PPEF1: variants seen among roughly 807,000 people sequenced by gnomAD.
PPEF1 encodes protein phosphatase with EF-hand domain 1, also known as serine/threonine-protein phosphatase with EF-hands 1.
A neutral mutation model predicts 53.3 loss-of-function variants in PPEF1; 12 were observed. That is an observed-to-expected ratio of 0.23 (90% confidence interval 0.14 to 0.36). The LOEUF (loss-of-function observed/expected upper bound fraction) is 0.36. Among genes scored for constraint, PPEF1 ranks in the 10% least tolerant of loss-of-function variants. The pLI is 1.00. For synonymous variants in PPEF1, 165 were observed against 176.7 expected, an observed-to-expected ratio of 0.93 and a Z score of 0.52; for missense variants, 334 against 490.4, an observed-to-expected ratio of 0.68 and a Z score of 3.01.
chrX:18,782,462 TA>T, intron 8 of PPEF1, 60 bp downstream of exon 8: 1 of 944,822 alleles, frequency 1.1e-6, no homozygotes, highest in South Asian at 2.3e-5. Context: ...TAGAGAAATT[TA>T]AAAAGAGCCA....
intron 3 of PPEF1, among the ~76,000 whole-genome samples, chrX:18,742,894 C>G (rs772071135): frequency 1.8e-5 from 2 of 111,459 alleles, no homozygotes; most frequent in Admixed American, 9.6e-5. Context: ...TCTCACGCAG[C>G]CTTTCTGTCC....
chrX:18,727,333 C>T (rs766930857), intron 1 of PPEF1, among the ~76,000 whole-genome samples: 2 of 111,139 alleles, frequency 1.8e-5, no homozygotes, highest in Non-Finnish European at 3.8e-5. Context: ...ATCATGATAG[C>T]GACTGTCCCA....
At chrX:18,687,382 T>A (rs944110755) in intron 3 of PPEF1, among the ~76,000 whole-genome samples, 3 of 111,684 alleles carry the variant, frequency 2.7e-5, no homozygotes, top group Non-Finnish European at 5.6e-5. Context: ...TGATTGGTGC[T>A]ATCTGTAGCC....
chrX:18,754,709 C>T (rs2045512127), intron 4 of PPEF1, among the ~76,000 whole-genome samples: 1 of 111,764 alleles, frequency 8.9e-6, no homozygotes, highest in Non-Finnish European at 1.9e-5. Context: ...GCAATCCTCC[C>T]CCCTCAGCCT....
At chrX:18,722,334 G>A (rs765271807) in intron 1 of PPEF1, among the ~76,000 whole-genome samples, 3 of 111,699 alleles carry the variant, frequency 2.7e-5, no homozygotes, top group African/African-American at 6.5e-5. Flanking sequence ...CAGCTGTGTC[G>A]CACTTGTGCC....
intron 10 of PPEF1, among the ~76,000 whole-genome samples, chrX:18,791,311 G>A (rs1406933921): frequency 1.8e-5 from 2 of 111,954 alleles, no homozygotes; most frequent in Non-Finnish European, 3.8e-5. Flanking sequence ...CCTTGAATCT[G>A]TAGGTCAATT....
intron 1 of PPEF1, among the ~76,000 whole-genome samples, chrX:18,714,941 G>C (rs2044420823): frequency 8.9e-6 from 1 of 111,871 alleles, no homozygotes; most frequent in Non-Finnish European, 1.9e-5. Context: ...TAGTGTTAAG[G>C]GTTTTTTGTC....
At chrX:18,679,862 G>A (rs1489980541), upstream of PPEF1, among the ~76,000 whole-genome samples, 4 of 110,952 alleles carry the variant, frequency 3.6e-5, no homozygotes, top group Non-Finnish European at 7.5e-5. Flanking sequence ...GGCCAAGGTG[G>A]GCAGACACTT....
intron 6 of PPEF1, among the ~76,000 whole-genome samples, chrX:18,776,862 G>T (rs926052194): frequency 2.7e-5 from 3 of 112,047 alleles, no homozygotes; most frequent in African/African-American, 6.5e-5. Context: ...GGAGGTTGCG[G>T]TGAGCTGAGA....
At chrX:18,731,448 T>C (rs2044836787) in intron 2 of PPEF1, among the ~76,000 whole-genome samples, 1 of 112,625 alleles carries the variant, frequency 8.9e-6, no homozygotes. Flanking sequence ...TGTGATTCAG[T>C]CAGATGCTCC....
chrX:18,804,982 TTTTTTTC>T (rs1193565447), intron 11 of PPEF1, among the ~76,000 whole-genome samples: 1 of 111,125 alleles, frequency 9.0e-6, no homozygotes, highest in Non-Finnish European at 1.9e-5. Flanking sequence ...CCGTTTCTTT[TTTTTTTC>T]TTTTTTCTTT....
chrX:18,761,016 A>G (rs2045653269), intron 5 of PPEF1, among the ~76,000 whole-genome samples: 1 of 110,111 alleles, frequency 9.1e-6, no homozygotes, highest in Admixed American at 9.7e-5. Flanking sequence ...CCTGGGCCCA[A>G]ATGATCCATC....
intron 13 of PPEF1, 141 bp from the exon 14 acceptor site, chrX:18,823,782 C>T: frequency 3.4e-6 from 2 of 582,461 alleles, no homozygotes; most frequent in Non-Finnish European, 5.3e-6. Context: ...AGTTAGTTCT[C>T]CTTCAGGGCT....
chrX:18,767,203 G>C (rs778365378), intron 6 of PPEF1, among the ~76,000 whole-genome samples: 1 of 111,550 alleles, frequency 9.0e-6, no homozygotes, highest in Non-Finnish European at 1.9e-5. Context: ...TGTTTAGACT[G>C]ATGAGCCTGC....
chrX:18,753,943 A>G (rs1286751746), intron 4 of PPEF1, among the ~76,000 whole-genome samples: 1 of 109,807 alleles, frequency 9.1e-6, no homozygotes, highest in Non-Finnish European at 1.9e-5. Flanking sequence ...GAAAGTGTTT[A>G]GTAGATATCT....
At chrX:18,680,204 T>TTGC (rs757808484), upstream of PPEF1, among the ~76,000 whole-genome samples, 338 of 109,978 alleles carry the variant, frequency 3.1e-3, 3 homozygotes, top group South Asian at 5.0e-3. Context: ...CTCGGGGCCT[T>TTGC]TGCTGCTGCT....
chrX:18,767,770 C>T (rs1252632825), intron 6 of PPEF1, among the ~76,000 whole-genome samples: 1 of 110,122 alleles, frequency 9.1e-6, no homozygotes, highest in Non-Finnish European at 1.9e-5. Flanking sequence ...GAGAAGAGCA[C>T]TGGGCCATAA....
chrX:18,713,334 T>C (rs768410300), intron 1 of PPEF1, among the ~76,000 whole-genome samples: 1 of 110,797 alleles, frequency 9.0e-6, no homozygotes, highest in South Asian at 3.9e-4. Context: ...TCTTGAGTCA[T>C]TTGTGGTAGT....
At position 18,771,282 on chromosome X, in the gene PPEF1, T is replaced by C. The variant is rs954517209; in HGVS notation, c.559-7728T>C. Among the ~76,000 whole-genome samples the C allele has an allele frequency of 1.1e-4, 12 of 111,537 alleles. No homozygotes were observed. In the East Asian group the frequency reaches 3.4e-3, roughly 31 times the overall value. On this transcript the variant is annotated intron_variant, in intron 6 of 15. Transcript: ENST00000470157. Reference sequence around the variant, plus strand: ...CTCCTTATTTGATGGGTTTTATTGTTTTTCTAATTTCCTAAGATGAATGCC... The same window carrying C: ...CTCCTTATTTGATGGGTTTTATTGTCTTTCTAATTTCCTAAGATGAATGCC...
Sources: allele counts gnomAD v4.1 joint callset (sites outside exome capture counted in the v4.1 genomes callset), GRCh38; gene constraint gnomAD v4.1.1; transcripts MANE v1.5; gene names NCBI Gene and HGNC (gene_info 2026-07-23, HGNC 2026-07-21).